The following OSBPL3 variants were observed in gnomAD, a reference collection of about 807,000 sequenced individuals.
OSBPL3 encodes the protein oxysterol-binding protein-related protein 3.
OSBPL3 carries 65 observed loss-of-function variants against 120.1 expected under a neutral mutation model. That is an observed-to-expected ratio of 0.54 (90% CI 0.44 to 0.67). The LOEUF is 0.67. Ranked by LOEUF, OSBPL3 falls within the 30% of genes least tolerant of loss-of-function variation. The pLI is 0.00. For synonymous variants in OSBPL3, 416 were observed against 402.6 expected, an observed-to-expected ratio of 1.03 and a Z score of -0.40; for missense variants, 1,004 against 1,082.1, an observed-to-expected ratio of 0.93 and a Z score of 1.01.
intron 1 of OSBPL3, among the ~76,000 whole-genome samples, chr7:24,962,926 A>G (rs576692327): frequency 2.1e-4 from 32 of 152,346 alleles, no homozygotes; most frequent in African/African-American, 7.2e-4. Flanking sequence ...CTTCAGCCAG[A>G]GTGCCCACCC....
chr7:24,816,745 G>T, intron 17 of OSBPL3, 57 bp from the exon 18 acceptor site: 1 of 1,079,066 alleles, frequency 9.3e-7, no homozygotes. Context: ...AGATGAAATA[G>T]TTCCTAGGCT....
rs757430721 is a variant in OSBPL3, at chr7:24,865,407, C to T, written c.608G>A (p.Cys203Tyr). The change falls in exon 7 of 23, where the codon TGT becomes TAT. Residue 203 changes from cysteine (C) to tyrosine (Y), a missense_variant. Physicochemically the swap from Cys to Tyr is radical, Grantham distance 194. Transcript: ENST00000313367. ...TAATGGAACTCGTGTCTCACCACCA[C>T]AAGAAAATGATACATTGCTTCCAGT... ...FQTGSNVSFS[C>Y]GGETRVPLWL... The T allele has an allele frequency of 6.2e-7, 1 of 1,613,450 alleles. No homozygotes were observed. The highest frequency in any genetic ancestry group is 1.7e-5 in the Admixed American group (1 of 60,022).
intron 1 of OSBPL3, among the ~76,000 whole-genome samples, chr7:24,907,198 A>G (rs563782428): frequency 6.6e-6 from 1 of 152,190 alleles, no homozygotes; most frequent in Non-Finnish European, 1.5e-5. Context: ...TTTCTCTCCC[A>G]GCACTTCAAT....
Position 24,805,714 on chromosome 7 carries a change from A to G in OSBPL3, c.2444+1062T>C, listed in dbSNP as rs1187640752. Among the ~76,000 whole-genome samples, 3 of 152,222 alleles carry G rather than the reference A, an allele frequency of 2.0e-5. No individual in the cohort carries two copies. Among genetic ancestry groups the G allele is most frequent in the East Asian group, 1.9e-4 (1 of 5,198 alleles). The stretch of plus-strand genomic sequence containing the variant: ...AGGGGAATGGGCCCATTTGGGACCA[A>G]CTGTTACAGCTGACATACGTAAACT... On this transcript the variant is annotated intron_variant, in intron 21 of 22. Coordinates refer to ENST00000313367, the MANE Select transcript of OSBPL3 (RefSeq NM_015550.4). This position sits in a 1 kb window ranked among gnomAD's most constrained non-coding sequence, Gnocchi z 4.0.
rs1176813074 is a variant in OSBPL3, at chr7:24,964,402, T to C, written c.-150+15484A>G. ...AACATATACTCTTGATATGATGTAA[T>C]GAGAATGGCATTTTACCTCTGTAAT... On this transcript the variant is annotated intron_variant, in intron 1 of 22. Transcript: ENST00000313367. The surrounding 1 kb of genome is among the most constrained non-coding windows in gnomAD (Gnocchi z 4.2). Among the ~76,000 whole-genome samples the C allele has an allele frequency of 1.3e-5, 2 of 152,172 alleles. No homozygotes were observed. Among genetic ancestry groups the C allele is most frequent in the East Asian group, 1.9e-4 (1 of 5,196 alleles).
At chr7:24,839,293 A>T (rs1053978139) in intron 14 of OSBPL3, among the ~76,000 whole-genome samples, 3 of 152,214 alleles carry the variant, frequency 2.0e-5, no homozygotes, top group Non-Finnish European at 4.4e-5. Context: ...CCATGCAGAG[A>T]ACTGTTCAGG....
At chr7:24,810,011 G>A in intron 19 of OSBPL3, 60 bp from the exon 20 acceptor site, 21 of 1,576,608 alleles carry the variant, frequency 1.3e-5, no homozygotes, top group Admixed American at 1.2e-4. Context: ...CAGATATTAA[G>A]GAAAGAAAAA....
intron 10 of OSBPL3, among the ~76,000 whole-genome samples, chr7:24,859,417 G>C (rs893623864): frequency 4.6e-5 from 7 of 152,132 alleles, no homozygotes; most frequent in Admixed American, 3.3e-4. Context: ...TTAAATGTTT[G>C]TATATATCCT....
chr7:24,871,841 C>T lies in OSBPL3; in HGVS notation c.214-46G>A. Reference sequence around the variant, plus strand: ...TTAATTAAGGCATTCAATTTAGGTGCCCTTTTCTTGGTCTCAAATTCCAAC... The same window carrying T: ...TTAATTAAGGCATTCAATTTAGGTGTCCTTTTCTTGGTCTCAAATTCCAAC... On this transcript the variant is annotated intron_variant, in intron 3 of 22. Transcript: ENST00000313367. The surrounding 1 kb of genome is among the most constrained non-coding windows in gnomAD (Gnocchi z 4.8). The T allele has an allele frequency of 1.3e-6, 2 of 1,521,836 alleles. No homozygotes were observed. The highest frequency in any genetic ancestry group is 1.8e-6 in the Non-Finnish European group (2 of 1,096,952). 94.3% of individuals were successfully genotyped at this position (1,521,836 alleles called of 1,614,324 possible).
rs1173436681 is a variant in OSBPL3 at position 24,806,155 on chromosome 7, C to T, written c.2444+621G>A. On this transcript the variant is annotated intron_variant, in intron 21 of 22. Coordinates refer to ENST00000313367, the MANE Select transcript of OSBPL3 (RefSeq NM_015550.4). This position sits in a 1 kb window ranked among gnomAD's most constrained non-coding sequence, Gnocchi z 5.2. ...TATTTTTAGTACAGACGGGGTTTCG[C>T]CATATTGGCCAGGCTGGTCTTGAAC... 6.6e-6 allele frequency among the ~76,000 whole-genome samples: 1 copy of T among 152,206 alleles called. No individual in the cohort carries two copies. The highest frequency in any genetic ancestry group is 1.5e-5 in the Non-Finnish European group (1 of 68,048).
chr7:24,916,920 C>CCA lies in OSBPL3; in HGVS notation c.-149-24300_-149-24299insTG, dbSNP rs1554404713. On this transcript the variant is annotated intron_variant, in intron 1 of 22. Transcript: ENST00000313367. The surrounding 1 kb of genome is among the most constrained non-coding windows in gnomAD (Gnocchi z 4.9). ...CCACTAAGACGTCTTCCATTTCCAC[C>CCA]CCCCCCAACCTTTTTAGAAAATTAA... Among the ~76,000 whole-genome samples the CCA allele has an allele frequency of 6.7e-6, 1 of 148,644 alleles. No individual in the cohort carries two copies. Among genetic ancestry groups the CCA allele is most frequent in the African/African-American group, 2.5e-5 (1 of 40,812 alleles).
At chr7:24,814,734 T>G (rs919843539) in intron 19 of OSBPL3, among the ~76,000 whole-genome samples, 3 of 152,208 alleles carry the variant, frequency 2.0e-5, no homozygotes, top group Non-Finnish European at 2.9e-5. Context: ...AGTGGAATCA[T>G]GTAATATTCG....
In OSBPL3 at chr7:24,871,681, G is replaced by A; in HGVS notation, c.267+61C>T. On this transcript the variant is annotated intron_variant, in intron 4 of 22. Transcript: ENST00000313367. The surrounding 1 kb of genome is among the most constrained non-coding windows in gnomAD (Gnocchi z 4.8). ...CTCAACTATACACACTCTCATCTCT[G>A]AGCTGATGGTTACCCCTTTAGGATT... is the stretch of plus-strand genomic sequence containing the variant. 1.6e-6 allele frequency: 2 copies of A among 1,218,368 alleles called. No individual in the cohort carries two copies. Among genetic ancestry groups the A allele is most frequent in the South Asian group, 1.2e-5 (1 of 80,850 alleles). The allele number at this position is 1,218,368 out of a possible 1,614,324, so 75.5% of individuals were successfully genotyped here. A position where few individuals can be genotyped will look rare whatever the true frequency, so the allele number is the denominator to read the frequency against.
chr7:24,855,100 T>C lies in OSBPL3; in HGVS notation c.1028-2466A>G, dbSNP rs777749061. The stretch of plus-strand genomic sequence containing the variant: ...GGGTTGGCCAGAATCTATGGAGCTG[T>C]AGGAGAACAGCCTTGGGAGGAGAGC... On this transcript the variant is annotated intron_variant, in intron 10 of 22. Transcript: ENST00000313367. This position sits in a 1 kb window ranked among gnomAD's most constrained non-coding sequence, Gnocchi z 4.3. 1.2e-4 allele frequency among the ~76,000 whole-genome samples: 18 copies of C among 152,264 alleles called. No homozygotes were observed. The Middle Eastern group carries it at 0.017, about 144-fold the overall frequency.
intron 1 of OSBPL3, among the ~76,000 whole-genome samples, chr7:24,907,731 G>A (rs1234093796): frequency 2.6e-5 from 4 of 152,100 alleles, no homozygotes; most frequent in East Asian, 1.9e-4. Context: ...CCCCAAATGC[G>A]TTTGTTTCCT....
Position 24,852,734 on chromosome 7 carries a change from C to T in OSBPL3, c.1028-100G>A. ...CTTATAAAAGAAACAAGCAAAGTAA[C>T]AGCCCTGAATATTTTGAGTATAGCA... On this transcript the variant is annotated intron_variant, in intron 10 of 22. Transcript: ENST00000313367. The surrounding 1 kb of genome is among the most constrained non-coding windows in gnomAD (Gnocchi z 4.1). The T allele has an allele frequency of 2.6e-6, 2 of 772,520 alleles. No homozygotes were observed. Among genetic ancestry groups the T allele is most frequent in the Non-Finnish European group, 3.9e-6 (2 of 511,672 alleles). The allele number at this position is 772,520 out of a possible 1,614,324, so 47.9% of individuals were successfully genotyped here. A position where few individuals can be genotyped will look rare whatever the true frequency, so the allele number is the denominator to read the frequency against.
chr7:24,928,058 C>A (rs576468147), intron 1 of OSBPL3, among the ~76,000 whole-genome samples: 32 of 152,134 alleles, frequency 2.1e-4, no homozygotes, highest in Non-Finnish European at 4.3e-4. Flanking sequence ...TCCTCTCTAC[C>A]TTCCTCCTGC....
At position 24,932,562 on chromosome 7, in the gene OSBPL3, T is replaced by C. The variant is rs1278684962; in HGVS notation, c.-149-39941A>G. On this transcript the variant is annotated intron_variant, in intron 1 of 22. Coordinates refer to ENST00000313367, the MANE Select transcript of OSBPL3 (RefSeq NM_015550.4). This position sits in a 1 kb window ranked among gnomAD's most constrained non-coding sequence, Gnocchi z 5.6. ...GCAGAGCCCTCATGAATGGGACTAGTGCCCTTTTAAAGATTCCCCACAGAG... is the reference window on the plus strand; with the variant it reads ...GCAGAGCCCTCATGAATGGGACTAGCGCCCTTTTAAAGATTCCCCACAGAG... Among the ~76,000 whole-genome samples, 2 of 152,068 alleles carry C rather than the reference T, an allele frequency of 1.3e-5. No individual in the cohort carries two copies. The highest frequency in any genetic ancestry group is 6.5e-5 in the Admixed American group (1 of 15,268).
intron 2 of OSBPL3, among the ~76,000 whole-genome samples, chr7:24,884,843 T>C (rs1014131871): frequency 6.6e-6 from 1 of 152,158 alleles, no homozygotes; most frequent in Non-Finnish European, 1.5e-5. Flanking sequence ...ATGATCATCA[T>C]AGAACAGTGT....
Sources: allele counts gnomAD v4.1 joint callset (sites outside exome capture counted in the v4.1 genomes callset), GRCh38; gene constraint gnomAD v4.1.1; non-coding constraint Gnocchi (gnomAD v3.1); transcripts MANE v1.5; gene names NCBI Gene and HGNC (gene_info 2026-07-23, HGNC 2026-07-21).